Variants in RAD51B observed in about 807,000 individuals in gnomAD.
The protein encoded by RAD51B is RAD51 paralog B, also known as DNA repair protein RAD51 homolog 2.
A neutral mutation model predicts 42.2 loss-of-function variants in RAD51B; 38 were observed. The observed-to-expected ratio is 0.90, with a 90% CI of 0.70 to 1.18. The LOEUF (loss-of-function observed/expected upper bound fraction) is 1.18. RAD51B is among the 50% of genes most tolerant of loss of function. The pLI is 0.00. For missense variants in RAD51B, 373 were observed against 400.7 expected (o/e 0.93, Z 0.59); for synonymous variants, 154 against 145.2 (o/e 1.06, Z -0.43).
At chr14:67,878,654 C>G (rs2042806249) in intron 5 of RAD51B, among the ~76,000 whole-genome samples, 1 of 151,884 alleles carries the variant, frequency 6.6e-6, no homozygotes, top group African/African-American at 2.4e-5. Context: ...GAATATTTAA[C>G]TATTATCTAT....
At chr14:68,246,523 T>G (rs941151858) in intron 7 of RAD51B, among the ~76,000 whole-genome samples, 1 of 152,122 alleles carries the variant, frequency 6.6e-6, no homozygotes, top group Non-Finnish European at 1.5e-5. Context: ...AAGAAGGGCT[T>G]GTGAACCCAG....
At chr14:68,322,995 A>G (rs1396716799) in intron 8 of RAD51B, among the ~76,000 whole-genome samples, 1 of 152,252 alleles carries the variant, frequency 6.6e-6, no homozygotes, top group Non-Finnish European at 1.5e-5. Context: ...ATTCGTGACT[A>G]TGAGAATTTC....
At chr14:68,572,690 C>G (rs1479319016) in intron 10 of RAD51B, among the ~76,000 whole-genome samples, 1 of 152,166 alleles carries the variant, frequency 6.6e-6, no homozygotes, top group African/African-American at 2.4e-5. Flanking sequence ...TTGTCCCGAC[C>G]TCCCAGTGGG....
intron 11 of RAD51B, among the ~76,000 whole-genome samples, chr14:68,675,244 G>A (rs1013169720): frequency 6.6e-5 from 10 of 152,146 alleles, no homozygotes; most frequent in African/African-American, 1.9e-4. Flanking sequence ...TTGGGGAGGG[G>A]TCTAAAACAA....
chr14:68,218,293 GAGTACCAGGGGTT>G (rs2079855241), intron 7 of RAD51B, among the ~76,000 whole-genome samples: 4 of 152,204 alleles, frequency 2.6e-5, no homozygotes, highest in Admixed American at 2.6e-4. Flanking sequence ...CTTTCCAAGT[GAGTACCAGGGGTT>G]AGGAAAAAGA....
At chr14:68,063,075 ATTAG>A in intron 7 of RAD51B, among the ~76,000 whole-genome samples, 1 of 152,038 alleles carries the variant, frequency 6.6e-6, no homozygotes, top group East Asian at 1.9e-4. Context: ...TTTCTTCTGT[ATTAG>A]TTGTAATGTC....
At chr14:67,834,935 A>C in intron 3 of RAD51B, 145 bp from the exon 4 acceptor site, 1 of 630,158 alleles carries the variant, frequency 1.6e-6, no homozygotes, top group African/African-American at 1.8e-5. Context: ...CCTGGCACAG[A>C]GTAAATATTT....
At position 68,524,485 on chromosome 14, in the gene RAD51B, G is replaced by A. The variant is rs184430569; in HGVS notation, c.1036+56235G>A. On this transcript the variant is annotated intron_variant, in intron 10 of 10. Coordinates refer to the RAD51B transcript ENST00000487270. ...AATAGAAGCACATTGTGAGTTCTAC[G>A]CTGCTGCCCTGGGAAACACACAGGC... Among the ~76,000 whole-genome samples the A allele has an allele frequency of 2.6e-3, 398 of 152,222 alleles. 1 individual carries two copies. Among genetic ancestry groups the A allele is most frequent in the Middle Eastern group, 3.4e-3 (1 of 294 alleles).
chr14:67,834,325 C>T lies in RAD51B; in HGVS notation c.199-755C>T, dbSNP rs572473957. On this transcript the variant is annotated intron_variant, in intron 3 of 10. Transcript: ENST00000471583. ...GCTTTAACTTAATCACATCTGCAAA[C>T]ACCCATTTTGCAAATAAGGTAATAT... is the stretch of plus-strand genomic sequence containing the variant. 1.3e-4 allele frequency among the ~76,000 whole-genome samples: 19 copies of T among 150,494 alleles called. No individual in the cohort carries two copies. In the East Asian group the frequency reaches 3.7e-3, roughly 30 times the overall value.
chr14:68,321,752 A>C (rs555754129), intron 8 of RAD51B, among the ~76,000 whole-genome samples: 1 of 152,294 alleles, frequency 6.6e-6, no homozygotes, highest in African/African-American at 2.4e-5. Flanking sequence ...TTTTAAAATT[A>C]ATGTGTTTAT....
downstream of RAD51B, among the ~76,000 whole-genome samples, chr14:68,597,426 G>A (rs530099676): frequency 6.6e-5 from 10 of 152,280 alleles, no homozygotes; most frequent in African/African-American, 2.4e-4. Flanking sequence ...TCCTGCCCTT[G>A]TTAAGACTTC....
At chr14:68,234,706 C>A (rs1177192257) in intron 7 of RAD51B, among the ~76,000 whole-genome samples, 1 of 152,082 alleles carries the variant, frequency 6.6e-6, no homozygotes, top group African/African-American at 2.4e-5. Flanking sequence ...ATGGAGCTTG[C>A]AGGACTGAAA....
In RAD51B at chr14:68,552,002, A is replaced by T. The variant is rs951134015; in HGVS notation, c.1037-42483A>T. 5.9e-5 allele frequency among the ~76,000 whole-genome samples: 9 copies of T among 152,348 alleles called. No homozygotes were observed. The East Asian group carries it at 1.5e-3, about 26-fold the overall frequency. On this transcript the variant is annotated intron_variant, in intron 10 of 10. Transcript: ENST00000487270. ...TAAGGCAGTGTTGCAAGTGGAGACT[A>T]AAGACCAAATCTGCCCCATAGATAT...
At chr14:68,003,700 C>T (rs921056562) in intron 7 of RAD51B, among the ~76,000 whole-genome samples, 1 of 152,082 alleles carries the variant, frequency 6.6e-6, no homozygotes, top group Non-Finnish European at 1.5e-5. Flanking sequence ...TTCTTCAATA[C>T]CTAGTTTATT....
chr14:68,396,040 A>G (rs1343601772), intron 8 of RAD51B, among the ~76,000 whole-genome samples: 1 of 152,204 alleles, frequency 6.6e-6, no homozygotes, highest in Non-Finnish European at 1.5e-5. Context: ...ATCTAAAACA[A>G]GGACGGACTC....
At chr14:67,838,135 T>C (rs989840946) in intron 4 of RAD51B, among the ~76,000 whole-genome samples, 22 of 152,234 alleles carry the variant, frequency 1.4e-4, no homozygotes, top group Admixed American at 2.6e-4. Flanking sequence ...TTCTTTTTTA[T>C]GGCTGAAATA....
chr14:68,163,415 C>T (rs1340060365), intron 7 of RAD51B, among the ~76,000 whole-genome samples: 1 of 152,198 alleles, frequency 6.6e-6, no homozygotes, highest in Non-Finnish European at 1.5e-5. Flanking sequence ...ATAATTCTGA[C>T]TTGCTTTGAT....
At chr14:68,585,630 C>G (rs1432016419) in intron 10 of RAD51B, among the ~76,000 whole-genome samples, 1 of 152,184 alleles carries the variant, frequency 6.6e-6, no homozygotes, top group Non-Finnish European at 1.5e-5. Flanking sequence ...AGTAAATTCC[C>G]CAAGTCAAAA....
chr14:68,204,268 A>G (rs1306976767), intron 7 of RAD51B, among the ~76,000 whole-genome samples: 1 of 152,196 alleles, frequency 6.6e-6, no homozygotes, highest in South Asian at 2.1e-4. Context: ...ACTAATTTCA[A>G]TATTGGTATT....
Sources: allele counts gnomAD v4.1 joint callset (sites outside exome capture counted in the v4.1 genomes callset), GRCh38; gene constraint gnomAD v4.1.1; transcripts MANE v1.5; gene names NCBI Gene and HGNC (gene_info 2026-07-23, HGNC 2026-07-21).